Variants in COL9A2 observed in about 807,000 individuals in gnomAD.
COL9A2 encodes the protein collagen alpha-2(IX) chain.
In COL9A2, 66 loss-of-function variants were observed where a neutral mutation model predicts 111.6. That is an observed-to-expected ratio of 0.59 (90% CI 0.48 to 0.73). The LOEUF (loss-of-function observed/expected upper bound fraction) is 0.73. Among genes scored for constraint, COL9A2 ranks in the 30% least tolerant of loss-of-function variants. The probability of loss-of-function intolerance (pLI) is 0.00; values close to 1 mark genes in which losing one functional copy is unlikely to be tolerated. For missense variants in COL9A2, 881 were observed against 954.1 expected (o/e 0.92, Z 1.01); for synonymous variants, 353 against 364.1 (o/e 0.97, Z 0.35).
In COL9A2 at chr1:40,312,184, G is replaced by A; in HGVS notation, c.364-72C>T. 1 of 1,336,454 alleles carries A rather than the reference G, an allele frequency of 7.5e-7. No homozygotes were observed. Among genetic ancestry groups the A allele is most frequent in the Non-Finnish European group, 1.1e-6 (1 of 950,756 alleles). The allele number at this position is 1,336,454 out of a possible 1,614,324, so 82.8% of individuals were successfully genotyped here. Reference sequence around the variant, plus strand: ...ACCCTGGGCACAAAGGTAGAGACAGGCACCCAAAGCCCGTTTCTCCACTTT... The same window carrying A: ...ACCCTGGGCACAAAGGTAGAGACAGACACCCAAAGCCCGTTTCTCCACTTT... On this transcript the variant is annotated intron_variant, in intron 7 of 31. Coordinates refer to ENST00000372748, the MANE Select transcript of COL9A2 (RefSeq NM_001852.4). The surrounding 1 kb of genome is among the most constrained non-coding windows in gnomAD (Gnocchi z 6.0).
In COL9A2 at chr1:40,304,400, A is replaced by G. The variant is rs1405787057; in HGVS notation, c.1216-9T>C. Reference sequence around the variant, plus strand: ...TGCTCCCCCTTAGGGCCCTGAGGAGAAAAGAAACCAAAGGAATAAATGGAA... The same window carrying G: ...TGCTCCCCCTTAGGGCCCTGAGGAGGAAAGAAACCAAAGGAATAAATGGAA... On this transcript the variant is annotated splice_polypyrimidine_tract_variant and intron_variant, in intron 23 of 31. Transcript: ENST00000372748. 1 of 1,606,438 alleles carries G rather than the reference A, an allele frequency of 6.2e-7. No individual in the cohort carries two copies. The highest frequency in any genetic ancestry group is 1.3e-5 in the African/African-American group (1 of 74,802).
chr1:40,305,396 C>T (rs945909388), intron 21 of COL9A2, among the ~76,000 whole-genome samples: 12 of 152,158 alleles, frequency 7.9e-5, no homozygotes, highest in African/African-American at 2.9e-4. Context: ...TAAACTATAC[C>T]CTCCATATGA....
chr1:40,313,826 G>A (rs1202268987), intron 4 of COL9A2, among the ~76,000 whole-genome samples: 2 of 152,174 alleles, frequency 1.3e-5, no homozygotes, highest in Non-Finnish European at 2.9e-5. Flanking sequence ...TCATGCCTGG[G>A]GCTGTGGGTA....
chr1:40,305,791 T>C, intron 20 of COL9A2, 23 bp from the exon 21 acceptor site: 1 of 1,612,844 alleles, frequency 6.2e-7, no homozygotes, highest in Non-Finnish European at 8.5e-7. Flanking sequence ...AGTTCTCAGG[T>C]CAGTCTGGGT....
rs1234310981 is a variant in COL9A2, at chr1:40,312,979, T to C, written c.250-195A>G. On this transcript the variant is annotated intron_variant, in intron 4 of 31. Transcript: ENST00000372748. The surrounding 1 kb of genome is among the most constrained non-coding windows in gnomAD (Gnocchi z 6.0). ...TAACCCTAGGAGGCAGGCAGAACAA[T>C]TCCCTTCTTTTGAAAGATGAGAAAC... 6.6e-6 allele frequency among the ~76,000 whole-genome samples: 1 copy of C among 152,142 alleles called. No individual in the cohort carries two copies. The highest frequency in any genetic ancestry group is 1.9e-4 in the East Asian group (1 of 5,186).
intron 19 of COL9A2, among the ~76,000 whole-genome samples, chr1:40,306,967 C>T (rs1379518797): frequency 6.6e-6 from 1 of 151,894 alleles, no homozygotes; most frequent in Non-Finnish European, 1.5e-5. Context: ...GCCTCAGCCT[C>T]CTGAGTAGCT....
Position 40,307,661 on chromosome 1 carries a change from G to T in COL9A2, c.954+42C>A. Reference sequence around the variant, plus strand: ...TGGTGTCTAGAATCCAGGACTCAAGGTCCTGCCCCTGCCCCAGTCCCATCA... The same window carrying T: ...TGGTGTCTAGAATCCAGGACTCAAGTTCCTGCCCCTGCCCCAGTCCCATCA... On this transcript the variant is annotated intron_variant, in intron 18 of 31. Transcript: ENST00000372748. This position sits in a 1 kb window ranked among gnomAD's most constrained non-coding sequence, Gnocchi z 4.8. The T allele has an allele frequency of 6.2e-7, 1 of 1,611,458 alleles. No individual in the cohort carries two copies.
At chr1:40,313,579 G>A (rs1191303681) in intron 4 of COL9A2, among the ~76,000 whole-genome samples, 1 of 152,208 alleles carries the variant, frequency 6.6e-6, no homozygotes, top group East Asian at 1.9e-4. Flanking sequence ...GCAGGGTGTG[G>A]ATGAGTTTGA....
chr1:40,312,125 G>C lies in COL9A2; in HGVS notation c.364-13C>G. On this transcript the variant is annotated splice_polypyrimidine_tract_variant and intron_variant, in intron 7 of 31. Coordinates refer to ENST00000372748, the MANE Select transcript of COL9A2 (RefSeq NM_001852.4). The surrounding 1 kb of genome is among the most constrained non-coding windows in gnomAD (Gnocchi z 6.0). ...GTCCAGGAGGCCCCTGGGGAGCAGA[G>C]AGTTGATGGTCAGGATGCCTCAGAG... 5.6e-6 allele frequency: 9 copies of C among 1,598,908 alleles called. No individual in the cohort carries two copies. Among genetic ancestry groups the C allele is most frequent in the Non-Finnish European group, 7.7e-6 (9 of 1,174,414 alleles).
chr1:40,306,866 A>G (rs1644038246), intron 19 of COL9A2, among the ~76,000 whole-genome samples: 1 of 136,398 alleles, frequency 7.3e-6, no homozygotes. Context: ...TTTTTTTGAG[A>G]TGGAGTCTTG....
At position 40,303,592 on chromosome 1, in the gene COL9A2, C is replaced by CG. The variant is rs761748258; in HGVS notation, c.1485dup (p.Gly496ArgfsTer27). ...CGGTTCCCGGCCAGTCCTCGAGGGC[C>CG]GGGGGGACCAGGGTAGCCCTGAACC... On this transcript the variant is annotated frameshift_variant, in exon 28 of 32. Transcript: ENST00000372748. LOFTEE classifies it high-confidence loss of function. The surrounding 1 kb of genome is among the most constrained non-coding windows in gnomAD (Gnocchi z 4.6). 1.2e-6 allele frequency: 2 copies of CG among 1,607,762 alleles called. No individual in the cohort carries two copies. Among genetic ancestry groups the CG allele is most frequent in the Admixed American group, 1.7e-5 (1 of 59,416 alleles).
At chr1:40,315,321 G>T in intron 2 of COL9A2, 1 of 1,313,538 alleles carries the variant, frequency 7.6e-7, no homozygotes, top group Non-Finnish European at 9.7e-7. Flanking sequence ...GGAGAGGAGG[G>T]GGATGAGGCC....
At chr1:40,305,528 A>G (rs1003725007) in intron 21 of COL9A2, among the ~76,000 whole-genome samples, 187 bp downstream of exon 21, 1 of 152,170 alleles carries the variant, frequency 6.6e-6, no homozygotes, top group Admixed American at 6.6e-5. Flanking sequence ...CACACTCCAG[A>G]ACAGAGCCAG....
chr1:40,312,492 GA>G lies in COL9A2; in HGVS notation c.340-14del. 2 of 1,613,938 alleles carry G rather than the reference GA, an allele frequency of 1.2e-6. No homozygotes were observed. The highest frequency in any genetic ancestry group is 8.5e-7 in the Non-Finnish European group (1 of 1,179,924). On this transcript the variant is annotated splice_polypyrimidine_tract_variant and intron_variant, in intron 6 of 31. Transcript: ENST00000372748. This position sits in a 1 kb window ranked among gnomAD's most constrained non-coding sequence, Gnocchi z 6.0. ...CAAAACCAGGGCCCTGGAACAGAAA[GA>G]AAGAAAATTGGCTTCATGGCTCCCT...
In COL9A2 at chr1:40,301,133, C is replaced by T; in HGVS notation, c.*49G>A. 1 of 1,602,650 alleles carries T rather than the reference C, an allele frequency of 6.2e-7. No individual in the cohort carries two copies. The highest frequency in any genetic ancestry group is 8.5e-7 in the Non-Finnish European group (1 of 1,171,986). On this transcript the variant is annotated 3_prime_UTR_variant, in exon 32 of 32. Transcript: ENST00000372748. The stretch of plus-strand genomic sequence containing the variant: ...GGGTGCATGTCCACCCAGAGGGGAC[C>T]TGGTCCTTCCCGCCAGGATGCCTGC...
Position 40,317,049 on chromosome 1 carries a change from A to C in COL9A2, c.75+74T>G. ...AGGGGTGTCAGTAGGCGCGGGACAC[A>C]GGCAGAGCTCCTCCATCCCGGACTC... On this transcript the variant is annotated intron_variant, in intron 1 of 31. Transcript: ENST00000372748. This position sits in a 1 kb window ranked among gnomAD's most constrained non-coding sequence, Gnocchi z 4.3. 1 of 1,440,672 alleles carries C rather than the reference A, an allele frequency of 6.9e-7. No homozygotes were observed. The highest frequency in any genetic ancestry group is 1.2e-5 in the South Asian group (1 of 81,868). The allele number at this position is 1,440,672 out of a possible 1,614,324, so 89.2% of individuals were successfully genotyped here. A position where few individuals can be genotyped will look rare whatever the true frequency, so the allele number is the denominator to read the frequency against.
In COL9A2 at chr1:40,311,487, C is replaced by A. The variant is rs1168992407; in HGVS notation, c.519+13G>T. ...CCCCCTGTGTTAGCCCCGCCCCAGACCTCGTCTCTCACCAGGAAATCCGCA... is the reference window on the plus strand; with the variant it reads ...CCCCCTGTGTTAGCCCCGCCCCAGAACTCGTCTCTCACCAGGAAATCCGCA... On this transcript the variant is annotated intron_variant, in intron 10 of 31. Transcript: ENST00000372748. This position sits in a 1 kb window ranked among gnomAD's most constrained non-coding sequence, Gnocchi z 5.1. 3.1e-6 allele frequency: 5 copies of A among 1,607,870 alleles called. No homozygotes were observed. Among genetic ancestry groups the A allele is most frequent in the African/African-American group, 1.3e-5 (1 of 74,474 alleles).
In COL9A2 at chr1:40,311,445, CATCTCTGTGGCCCCGCCCCCCTG is replaced by C; in HGVS notation, c.519+32_519+54del. Reference sequence around the variant, plus strand: ...CCCCATCTCCGTGGCCCCGCCTCCCCATCTCTGTGGCCCCGCCCCCCTGTGTTAGCCCCGCCCCAGACCTCGTC... The same window carrying C: ...CCCCATCTCCGTGGCCCCGCCTCCCCTGTTAGCCCCGCCCCAGACCTCGTC... On this transcript the variant is annotated intron_variant, in intron 10 of 31. Transcript: ENST00000372748. This position sits in a 1 kb window ranked among gnomAD's most constrained non-coding sequence, Gnocchi z 5.1. The C allele has an allele frequency of 2.6e-6, 4 of 1,555,414 alleles. No homozygotes were observed. The highest frequency in any genetic ancestry group is 3.5e-6 in the Non-Finnish European group (4 of 1,128,614).
In COL9A2 at chr1:40,310,968, G is replaced by T; in HGVS notation, c.630+125C>A. 2.2e-6 allele frequency: 3 copies of T among 1,347,134 alleles called. No homozygotes were observed. The highest frequency in any genetic ancestry group is 3.2e-6 in the Non-Finnish European group (3 of 943,968). 83.4% of individuals were successfully genotyped at this position (1,347,134 alleles called of 1,614,324 possible). A position where few individuals can be genotyped will look rare whatever the true frequency, so the allele number is the denominator to read the frequency against. On this transcript the variant is annotated intron_variant, in intron 12 of 31. Transcript: ENST00000372748. This position sits in a 1 kb window ranked among gnomAD's most constrained non-coding sequence, Gnocchi z 4.9. ...TGCCGACCTGGAGCACAGGCCTCCA[G>T]CCCCCGGCTCAAGGCTCTGTCCCCA...
Sources: allele counts gnomAD v4.1 joint callset (sites outside exome capture counted in the v4.1 genomes callset), GRCh38; gene constraint gnomAD v4.1.1; non-coding constraint Gnocchi (gnomAD v3.1); transcripts MANE v1.5; gene names NCBI Gene and HGNC (gene_info 2026-07-23, HGNC 2026-07-21).